PIP5K1B: variants seen among roughly 807,000 people sequenced by gnomAD.
PIP5K1B encodes the protein phosphatidylinositol 4-phosphate 5-kinase type-1 beta.
PIP5K1B carries 42 observed loss-of-function variants against 67.0 expected under a neutral mutation model. That is an observed-to-expected ratio of 0.63 (90% CI 0.49 to 0.81). The LOEUF is 0.81. PIP5K1B is among the 30% of genes least tolerant of loss of function. The pLI, the probability that PIP5K1B is intolerant of heterozygous loss-of-function variation, is 0.00. For synonymous variants in PIP5K1B, 214 were observed against 231.4 expected (o/e 0.92, Z 0.68); for missense variants, 459 against 646.3 (o/e 0.71, Z 3.14).
At chr9:68,835,595 T>C (rs1302429545) in intron 4 of PIP5K1B, among the ~76,000 whole-genome samples, 1 of 152,166 alleles carries the variant, frequency 6.6e-6, no homozygotes, top group Non-Finnish European at 1.5e-5. Flanking sequence ...CAATACTTAG[T>C]GAAGGCCCCA....
chr9:68,978,672 A>G (rs140018645), intron 14 of PIP5K1B, among the ~76,000 whole-genome samples: 37 of 152,336 alleles, frequency 2.4e-4, no homozygotes, highest in African/African-American at 8.7e-4. Context: ...TTTTGTAGGG[A>G]GAAAAGCAGA....
chr9:68,774,515 A>G (rs2132432863), intron 2 of PIP5K1B, among the ~76,000 whole-genome samples: 1 of 152,308 alleles, frequency 6.6e-6, no homozygotes. Flanking sequence ...TTTTGTCCAT[A>G]TCAACAACAT....
intron 2 of PIP5K1B, among the ~76,000 whole-genome samples, chr9:68,754,488 G>A (rs908416683): frequency 1.3e-5 from 2 of 152,030 alleles, no homozygotes; most frequent in East Asian, 3.9e-4. Context: ...ATTTTTTAAT[G>A]TTAGTTCTGT....
rs1016447158 is a variant in PIP5K1B at position 68,831,683 on chromosome 9, C to CT, written c.69+9011dup. The stretch of plus-strand genomic sequence containing the variant: ...ATGGGAACAAATTAATAGAATTTAA[C>CT]TTTTTTTTTTTGACGGAGTTTTGCT... On this transcript the variant is annotated intron_variant, in intron 4 of 15. Coordinates refer to ENST00000265382, the MANE Select transcript of PIP5K1B (RefSeq NM_003558.4). Among the ~76,000 whole-genome samples, 633 of 147,752 alleles carry CT rather than the reference C, an allele frequency of 4.3e-3. 3 individuals are homozygous for CT. The highest frequency in any genetic ancestry group is 0.014 in the Middle Eastern group (4 of 288).
chr9:68,713,400 A>C (rs960884949), intron 1 of PIP5K1B, among the ~76,000 whole-genome samples: 3 of 152,220 alleles, frequency 2.0e-5, no homozygotes, highest in African/African-American at 7.2e-5. Flanking sequence ...ACTCCGACTC[A>C]AAAGAAAAGA....
chr9:68,974,978 A>G (rs528205848), intron 14 of PIP5K1B, among the ~76,000 whole-genome samples: 3 of 152,364 alleles, frequency 2.0e-5, no homozygotes, highest in Admixed American at 6.5e-5. Context: ...CACAAACACT[A>G]TCTAGCAATT....
intron 4 of PIP5K1B, among the ~76,000 whole-genome samples, chr9:68,853,348 G>T (rs1444910457): frequency 6.6e-6 from 1 of 152,184 alleles, no homozygotes. Flanking sequence ...GGGCCTGGCT[G>T]GCCCACTGTG....
At chr9:68,791,230 C>T (rs921606737) in intron 2 of PIP5K1B, among the ~76,000 whole-genome samples, 1 of 152,188 alleles carries the variant, frequency 6.6e-6, no homozygotes, top group Non-Finnish European at 1.5e-5. Context: ...AATCCATCTC[C>T]CTTGCTTTAA....
intron 2 of PIP5K1B, among the ~76,000 whole-genome samples, chr9:68,751,408 G>A (rs1829625918): frequency 6.6e-6 from 1 of 152,190 alleles, no homozygotes; most frequent in African/African-American, 2.4e-5. Flanking sequence ...CCAAAGAAGG[G>A]TCTGCATAGA....
intron 2 of PIP5K1B, among the ~76,000 whole-genome samples, chr9:68,787,015 C>A (rs938286952): frequency 6.6e-6 from 1 of 152,192 alleles, no homozygotes; most frequent in Non-Finnish European, 1.5e-5. Flanking sequence ...CGGCCCTCTC[C>A]AATACCATGA....
intron 1 of PIP5K1B, among the ~76,000 whole-genome samples, chr9:68,725,732 A>G (rs1043738376): frequency 3.3e-5 from 5 of 152,176 alleles, no homozygotes; most frequent in African/African-American, 1.2e-4. Flanking sequence ...CTGAATGTGG[A>G]CGTTTATTGA....
chr9:68,734,236 A>G (rs1053250858), intron 1 of PIP5K1B, among the ~76,000 whole-genome samples: 1 of 152,224 alleles, frequency 6.6e-6, no homozygotes, highest in Admixed American at 6.5e-5. Flanking sequence ...AGAAAAGTAG[A>G]TGAAGTTCAC....
intron 1 of PIP5K1B, among the ~76,000 whole-genome samples, chr9:68,713,602 A>G (rs1405140858): frequency 6.6e-6 from 1 of 152,216 alleles, no homozygotes; most frequent in Non-Finnish European, 1.5e-5. Flanking sequence ...CTTCAGAAAT[A>G]TGAGGGGAGA....
In PIP5K1B at chr9:68,969,406, G is replaced by A. The variant is rs143275510; in HGVS notation, c.1503-21734G>A. Among the ~76,000 whole-genome samples, 675 of 148,874 alleles carry A rather than the reference G, an allele frequency of 4.5e-3. 10 individuals carry two copies. The highest frequency in any genetic ancestry group is 0.016 in the African/African-American group (653 of 40,538). The stretch of plus-strand genomic sequence containing the variant: ...AAAAAAAAACTGTAAATGAGATAAT[G>A]TATGTGGCAGGCTCAGAGCCTCAAT... On this transcript the variant is annotated intron_variant, in intron 14 of 15. Transcript: ENST00000265382.
chr9:68,966,713 T>G (rs576777575), intron 14 of PIP5K1B: 1 of 152,242 alleles, frequency 6.6e-6, no homozygotes, highest in African/African-American at 2.4e-5. Flanking sequence ...ATGAACAAAA[T>G]CTGGATATAG....
At chr9:68,894,094 C>T (rs941566301) in intron 7 of PIP5K1B, among the ~76,000 whole-genome samples, 3 of 152,168 alleles carry the variant, frequency 2.0e-5, no homozygotes, top group African/African-American at 4.8e-5. Context: ...TAGTTGGAGC[C>T]AATTTGGGAC....
chr9:68,919,773 T>C, intron 11 of PIP5K1B, 44 bp downstream of exon 11: 1 of 1,110,822 alleles, frequency 9.0e-7, no homozygotes, highest in Non-Finnish European at 1.4e-6. Context: ...TATTTCTGCT[T>C]TCTCAGAGAC....
intron 2 of PIP5K1B, among the ~76,000 whole-genome samples, chr9:68,787,071 C>T (rs1173895232): frequency 6.6e-6 from 1 of 152,168 alleles, no homozygotes; most frequent in Non-Finnish European, 1.5e-5. Flanking sequence ...GGCTTCTCTC[C>T]TACTTTTGCG....
At chr9:68,983,984 G>A (rs1353398727) in intron 14 of PIP5K1B, among the ~76,000 whole-genome samples, 1 of 152,196 alleles carries the variant, frequency 6.6e-6, no homozygotes, top group Non-Finnish European at 1.5e-5. Context: ...GAGCTCAGGA[G>A]TCCAAGGCTG....
Sources: gnomAD v4.1 joint callset for allele counts (sites outside exome capture counted in the v4.1 genomes callset) on GRCh38, gnomAD v4.1.1 for gene constraint, MANE v1.5 for transcripts, NCBI Gene and HGNC (gene_info 2026-07-23, HGNC 2026-07-21) for gene names.